The following SEMA6A variants were observed in gnomAD, a reference collection of about 807,000 sequenced individuals.
The protein encoded by SEMA6A is semaphorin-6A.
A neutral mutation model predicts 96.8 loss-of-function variants in SEMA6A; 25 were observed. The ratio of observed to expected loss-of-function variants is 0.26; its 90% CI spans 0.19 to 0.36. The LOEUF (loss-of-function observed/expected upper bound fraction) is 0.36. Ranked by LOEUF, SEMA6A falls within the 10% of genes least tolerant of loss-of-function variation. SEMA6A has a pLI of 1.00. For missense variants in SEMA6A, 1,363 were observed against 1,323.1 expected (o/e 1.03, Z -0.47); for synonymous variants, 612 against 518.0 (o/e 1.18, Z -2.46).
intron 6 of SEMA6A, among the ~76,000 whole-genome samples, chr5:116,494,186 TCA>T (rs2112741542): frequency 6.6e-6 from 1 of 152,354 alleles, no homozygotes; most frequent in South Asian, 2.1e-4. Flanking sequence ...ACTTGTCATT[TCA>T]CAGTCACACA....
chr5:116,534,004 C>G (rs1759604737), intron 1 of SEMA6A, among the ~76,000 whole-genome samples: 1 of 152,208 alleles, frequency 6.6e-6, no homozygotes, highest in Non-Finnish European at 1.5e-5. Flanking sequence ...CCAAACGAAC[C>G]TTTCTCTCCA....
At chr5:116,478,242 G>A (rs1756564957) in intron 13 of SEMA6A, 88 bp from the exon 14 acceptor site, 4 of 1,462,544 alleles carry the variant, frequency 2.7e-6, no homozygotes, top group Non-Finnish European at 3.7e-6. Context: ...AGCCCACAAG[G>A]CAATCTCTTA....
intron 18 of SEMA6A, among the ~76,000 whole-genome samples, chr5:116,458,420 G>C (rs1755152469): frequency 6.6e-6 from 1 of 152,098 alleles, no homozygotes; most frequent in Non-Finnish European, 1.5e-5. Flanking sequence ...AAGAGACTGA[G>C]GGAAAAGGGT....
intron 10 of SEMA6A, 174 bp downstream of exon 10, chr5:116,486,571 ATAGT>A: frequency 1.7e-6 from 1 of 591,572 alleles, no homozygotes. Flanking sequence ...ACCTAACTTA[ATAGT>A]GCTTATAAAC....
At chr5:116,490,919 G>A (rs1757296956) in intron 7 of SEMA6A, among the ~76,000 whole-genome samples, 1 of 152,118 alleles carries the variant, frequency 6.6e-6, no homozygotes, top group Non-Finnish European at 1.5e-5. Context: ...TCTAATTAAA[G>A]CACACAAACT....
intron 1 of SEMA6A, among the ~76,000 whole-genome samples, chr5:116,549,171 T>C (rs748726831): frequency 6.6e-6 from 1 of 152,180 alleles, no homozygotes; most frequent in African/African-American, 2.4e-5. Flanking sequence ...ACTAAAAGCA[T>C]ACTTTACAAG....
At chr5:116,513,224 T>C (rs192540499) in intron 1 of SEMA6A, among the ~76,000 whole-genome samples, 2 of 152,130 alleles carry the variant, frequency 1.3e-5, no homozygotes, top group African/African-American at 4.8e-5. Context: ...GCCTCCCAGG[T>C]TCAAGTGATT....
At chr5:116,448,200 G>T (rs1007758358) in intron 18 of SEMA6A, among the ~76,000 whole-genome samples, 7 of 125,862 alleles carry the variant, frequency 5.6e-5, no homozygotes, top group Non-Finnish European at 8.5e-5. Flanking sequence ...AAAAAAATTA[G>T]CCAGGCGCGG....
chr5:116,472,913 A>T lies in SEMA6A; in HGVS notation c.1729+160T>A, dbSNP rs748076652. The T allele has an allele frequency of 5.3e-6, 8 of 1,521,544 alleles. No homozygotes were observed. The South Asian group carries it at 1.0e-4, about 19-fold the overall frequency. The allele number at this position is 1,521,544 out of a possible 1,614,324, so 94.3% of individuals were successfully genotyped here. On this transcript the variant is annotated intron_variant, in intron 17 of 18. Coordinates refer to ENST00000343348, the MANE Select transcript of SEMA6A (RefSeq NM_020796.5). ...ACACTGTGTTGTAAGACATTTCATT[A>T]TCTGGTAGAGGAGTTGAAATGTCTA...
At position 116,532,797 on chromosome 5, in the gene SEMA6A, A is replaced by T. The variant is rs750752331; in HGVS notation, c.-38-27815T>A. ...CCTCTGTATGTCACGGTGCTTTGTT[A>T]TTCTCTCAAACTCCAGTGGACATTA... is the stretch of plus-strand genomic sequence containing the variant. On this transcript the variant is annotated intron_variant, in intron 1 of 18. Coordinates refer to ENST00000343348, the MANE Select transcript of SEMA6A (RefSeq NM_020796.5). Among the ~76,000 whole-genome samples, 3 of 152,126 alleles carry T rather than the reference A, an allele frequency of 2.0e-5. No individual in the cohort carries two copies. The South Asian group carries it at 6.2e-4, about 32-fold the overall frequency.
At chr5:116,571,272 A>T (rs1444479637) in intron 1 of SEMA6A, among the ~76,000 whole-genome samples, 4 of 152,210 alleles carry the variant, frequency 2.6e-5, no homozygotes, top group Admixed American at 1.3e-4. Context: ...ATGTCCAATA[A>T]GTATATTCAG....
chr5:116,477,876 C>T lies in SEMA6A; in HGVS notation c.1619G>A (p.Gly540Asp). Residue 540 changes from glycine to aspartate, a missense_variant, in exon 15 of 19, where the codon GGT (glycine) becomes GAT (aspartate). Physicochemically the swap from Gly to Asp is moderately conservative, Grantham distance 94. Transcript: ENST00000343348. ...DPYCGWIKEGGACSHLSPNSR... is the reference protein window; with the variant it reads ...DPYCGWIKEGDACSHLSPNSR... The stretch of plus-strand genomic sequence containing the variant: ...GTTGGGTGATAAATGGCTGCAGGCA[C>T]CACCTTCCTTTATCCATCCACAATA... 2 of 1,613,964 alleles carry T rather than the reference C, an allele frequency of 1.2e-6. No homozygotes were observed. The highest frequency in any genetic ancestry group is 1.1e-5 in the South Asian group (1 of 91,078).
At chr5:116,472,854 T>TA (rs1156439931) in intron 17 of SEMA6A, 1 of 1,375,988 alleles carries the variant, frequency 7.3e-7, no homozygotes. Flanking sequence ...CTTCACGAAT[T>TA]TAAAAAAAAA....
rs1186626978 is a variant in SEMA6A at position 116,447,765 on chromosome 5, G to A, written c.1941C>T (p.Pro647=). Residue 647 remains proline (P), a synonymous_variant, in exon 19 of 19, where the codon CCC becomes CCT. Coordinates refer to ENST00000343348, the MANE Select transcript of SEMA6A (RefSeq NM_020796.5). ...TGACTGCAATGGCCAAGAGGGTGACGGGAACCAGCTGGTCGTGGCCTTTGA... is the reference window on the plus strand; with the variant it reads ...TGACTGCAATGGCCAAGAGGGTGACAGGAACCAGCTGGTCGTGGCCTTTGA... ...SYLKGHDQLV[P]VTLLAIAVIL... is the part of the protein sequence containing the mutation. 2.5e-6 allele frequency: 4 copies of A among 1,610,396 alleles called. No homozygotes were observed. The highest frequency in any genetic ancestry group is 1.3e-5 in the African/African-American group (1 of 74,986).
intron 18 of SEMA6A, 89 bp downstream of exon 18, chr5:116,467,494 T>C: frequency 7.4e-7 from 1 of 1,360,254 alleles, no homozygotes; most frequent in South Asian, 1.5e-5. Context: ...CCTTAAATGC[T>C]GCCAAAATTC....
Position 116,447,615 on chromosome 5 carries a change from G to T in SEMA6A, c.2091C>A (p.Gly697=), listed in dbSNP as rs1217912695. ...TGAGCTTGGTGACGCTGCTCATGGA[G>T]CCCCGGCGCGAGTGGGTGAGCTCCT... is the stretch of plus-strand genomic sequence containing the variant. The part of the protein sequence containing the change: ...KEKELTHSRR[G]SMSSVTKLSG... The change falls in exon 19 of 19, where the codon GGC becomes GGA. Residue 697 remains glycine (G), a synonymous_variant. Coordinates refer to ENST00000343348, the MANE Select transcript of SEMA6A (RefSeq NM_020796.5). 6.2e-7 allele frequency: 1 copy of T among 1,614,038 alleles called. No homozygotes were observed. The highest frequency in any genetic ancestry group is 1.7e-5 in the Admixed American group (1 of 60,036).
At chr5:116,507,058 T>C (rs1187193764) in intron 1 of SEMA6A, among the ~76,000 whole-genome samples, 1 of 152,200 alleles carries the variant, frequency 6.6e-6, no homozygotes, top group African/African-American at 2.4e-5. Flanking sequence ...GAGCAATGCA[T>C]GCAGAAGAAA....
chr5:116,502,596 C>T (rs1757938823), intron 2 of SEMA6A: 6 of 388,128 alleles, frequency 1.5e-5, no homozygotes, highest in Non-Finnish European at 2.8e-5. Flanking sequence ...GTCTCTCTTT[C>T]TCAGGGCTCA....
intron 1 of SEMA6A, among the ~76,000 whole-genome samples, chr5:116,553,475 T>C (rs1760494760): frequency 6.6e-6 from 1 of 152,158 alleles, no homozygotes; most frequent in Non-Finnish European, 1.5e-5. Flanking sequence ...TGAATTATAA[T>C]TGCCTGCCAC....
Sources: allele counts gnomAD v4.1 joint callset (sites outside exome capture counted in the v4.1 genomes callset), GRCh38; gene constraint gnomAD v4.1.1; transcripts MANE v1.5; gene names NCBI Gene and HGNC (gene_info 2026-07-23, HGNC 2026-07-21).